The following AP3B1 variants were observed in gnomAD, a reference collection of about 807,000 sequenced individuals.
AP3B1 encodes the protein AP-3 complex subunit beta-1.
In AP3B1, 61 loss-of-function variants were observed where a neutral mutation model predicts 132.5. That is an observed-to-expected ratio of 0.46 (90% CI 0.37 to 0.57). The LOEUF (loss-of-function observed/expected upper bound fraction) is 0.57, where lower values mean the gene tolerates loss of function less well. Among genes scored for constraint, AP3B1 ranks in the 20% least tolerant of loss-of-function variants. The pLI is 0.00. For missense variants in AP3B1, 1,120 were observed against 1,289.4 expected (o/e 0.87, Z 2.01); for synonymous variants, 388 against 438.3 (o/e 0.89, Z 1.43).
intron 2 of AP3B1, among the ~76,000 whole-genome samples, chr5:78,242,692 C>A (rs1747193299): frequency 6.6e-6 from 1 of 152,174 alleles, no homozygotes; most frequent in Non-Finnish European, 1.5e-5. Flanking sequence ...CAGGCACGTG[C>A]CACCATGTGC....
At chr5:78,107,664 C>T (rs1751393249) in intron 20 of AP3B1, among the ~76,000 whole-genome samples, 1 of 152,110 alleles carries the variant, frequency 6.6e-6, no homozygotes, top group Non-Finnish European at 1.5e-5. Flanking sequence ...AGCAGAAACA[C>T]TGACCGTGGA....
At chr5:78,204,830 C>A (rs1413110012) in intron 7 of AP3B1, among the ~76,000 whole-genome samples, 1 of 152,170 alleles carries the variant, frequency 6.6e-6, no homozygotes, top group Non-Finnish European at 1.5e-5. Context: ...TGCCACAAAT[C>A]TTTTCTCCTG....
At chr5:78,063,815 A>G (rs2112148705) in intron 22 of AP3B1, among the ~76,000 whole-genome samples, 1 of 152,346 alleles carries the variant, frequency 6.6e-6, no homozygotes, top group African/African-American at 2.4e-5. Context: ...GTTAAAGTGT[A>G]CATCAAATAA....
At chr5:78,244,405 A>G (rs1007151021) in intron 2 of AP3B1, among the ~76,000 whole-genome samples, 1 of 151,326 alleles carries the variant, frequency 6.6e-6, no homozygotes, top group African/African-American at 2.4e-5. Context: ...AGAGTTTGAG[A>G]CTCCAACTCA....
At chr5:78,039,494 G>A (rs543191256) in intron 22 of AP3B1, among the ~76,000 whole-genome samples, 3 of 152,188 alleles carry the variant, frequency 2.0e-5, no homozygotes, top group South Asian at 4.1e-4. Context: ...TTCTGTAAGC[G>A]GCTGGGCGCG....
intron 14 of AP3B1, among the ~76,000 whole-genome samples, chr5:78,153,534 T>C (rs1326395395): frequency 6.6e-6 from 1 of 152,148 alleles, no homozygotes; most frequent in Non-Finnish European, 1.5e-5. Flanking sequence ...TTGGAGAGTT[T>C]AGTCCATTTA....
Position 78,193,770 on chromosome 5 carries a change from A to AT in AP3B1, c.787-12109dup, listed in dbSNP as rs35190275. ...TATATATATATATATATATATATAT[A>AT]TTTTTTTTTTAGACAGAGTCTCGCT... On this transcript the variant is annotated intron_variant, in intron 7 of 26. Transcript: ENST00000255194. Among the ~76,000 whole-genome samples the AT allele has an allele frequency of 1.8e-3, 121 of 67,220 alleles. 1 individual carries two copies. Among genetic ancestry groups the AT allele is most frequent in the South Asian group, 3.7e-3 (9 of 2,436 alleles). 44.1% of individuals were successfully genotyped at this position (67,220 alleles called of 152,430 possible).
At chr5:78,184,422 T>C (rs949421109) in intron 7 of AP3B1, among the ~76,000 whole-genome samples, 23 of 151,848 alleles carry the variant, frequency 1.5e-4, no homozygotes, top group African/African-American at 4.4e-4. Context: ...GTGCGGTGGC[T>C]CATGCCTGTA....
At chr5:78,117,443 G>A (rs1177169883) in intron 17 of AP3B1, among the ~76,000 whole-genome samples, 1 of 151,596 alleles carries the variant, frequency 6.6e-6, no homozygotes, top group Non-Finnish European at 1.5e-5. Flanking sequence ...CCAAGTAGCT[G>A]GGATCACAGG....
At chr5:78,034,333 TA>T (rs772669160) in intron 24 of AP3B1, 27 bp downstream of exon 24, 1 of 1,561,584 alleles carries the variant, frequency 6.4e-7, no homozygotes, top group African/African-American at 1.4e-5. Context: ...ACAGGTTATA[TA>T]AAAAATAGAA....
chr5:78,224,935 T>C (rs1019355666), intron 6 of AP3B1, among the ~76,000 whole-genome samples: 1 of 152,018 alleles, frequency 6.6e-6, no homozygotes, highest in Non-Finnish European at 1.5e-5. Flanking sequence ...AGTAGAAGAT[T>C]TGAACAACAC....
intron 13 of AP3B1, among the ~76,000 whole-genome samples, chr5:78,156,941 A>G (rs1179457907): frequency 6.6e-6 from 1 of 152,028 alleles, no homozygotes; most frequent in Non-Finnish European, 1.5e-5. Context: ...GATTTTCTCT[A>G]TTTGTTCTAT....
At chr5:78,015,742 T>C (rs997702519) in intron 25 of AP3B1, 194 bp from the exon 26 acceptor site, 18 of 556,246 alleles carry the variant, frequency 3.2e-5, no homozygotes, top group Non-Finnish European at 5.0e-5. Flanking sequence ...CCTCATTGTA[T>C]AGGAAAATGT....
At chr5:78,119,583 G>A (rs534357289) in intron 17 of AP3B1, among the ~76,000 whole-genome samples, 8 of 152,290 alleles carry the variant, frequency 5.3e-5, no homozygotes, top group Non-Finnish European at 8.8e-5. Context: ...TGGAAGAAAG[G>A]GTATCAGTGA....
Position 78,193,770 on chromosome 5 carries a change from A to ATT in AP3B1, c.787-12110_787-12109dup, listed in dbSNP as rs35190275. 1.4e-3 allele frequency among the ~76,000 whole-genome samples: 94 copies of ATT among 67,212 alleles called. 1 individual carries two copies. Among genetic ancestry groups the ATT allele is most frequent in the African/African-American group, 4.2e-3 (81 of 19,218 alleles). 44.1% of individuals were successfully genotyped at this position (67,212 alleles called of 152,430 possible). ...TATATATATATATATATATATATAT[A>ATT]TTTTTTTTTTAGACAGAGTCTCGCT... On this transcript the variant is annotated intron_variant, in intron 7 of 26. Transcript: ENST00000255194.
At chr5:78,040,116 G>A (rs144985435) in intron 22 of AP3B1, among the ~76,000 whole-genome samples, 1 of 151,834 alleles carries the variant, frequency 6.6e-6, no homozygotes, top group East Asian at 1.9e-4. Context: ...CCCAGGATAA[G>A]GTGGCTTCTT....
intron 23 of AP3B1, among the ~76,000 whole-genome samples, chr5:78,036,839 T>C (rs978467622): frequency 6.6e-6 from 1 of 152,186 alleles, no homozygotes; most frequent in African/African-American, 2.4e-5. Context: ...AAATACAGTA[T>C]TTGTTTTCTG....
At chr5:78,050,235 T>C (rs1362842336) in intron 22 of AP3B1, among the ~76,000 whole-genome samples, 2 of 152,180 alleles carry the variant, frequency 1.3e-5, no homozygotes, top group African/African-American at 4.8e-5. Flanking sequence ...CTGATTTCCT[T>C]TTTCCTTTTT....
intron 16 of AP3B1, 56 bp downstream of exon 16, chr5:78,129,065 C>T (rs1028572905): frequency 1.0e-5 from 15 of 1,452,962 alleles, no homozygotes; most frequent in Middle Eastern, 2.4e-4. Flanking sequence ...GAAATGGCAA[C>T]ATCTTGTCAT....
Sources: gnomAD v4.1 joint callset for allele counts (sites outside exome capture counted in the v4.1 genomes callset) on GRCh38, gnomAD v4.1.1 for gene constraint, MANE v1.5 for transcripts, NCBI Gene and HGNC (gene_info 2026-07-23, HGNC 2026-07-21) for gene names.